VCF1: variants seen among roughly 807,000 people sequenced by gnomAD.
The protein encoded by VCF1 is protein VCF1.
chr17:73,223,857 T>C, the VCF1 span, among the ~76,000 whole-genome samples: 1 of 151,850 alleles, frequency 6.6e-6, no homozygotes, highest in Admixed American at 6.6e-5. Context: ...GGCACATCCC[T>C]GTAGTCCCAG....
the VCF1 span, chr17:73,207,530 A>T: frequency 5.1e-6 from 3 of 589,216 alleles, no homozygotes; most frequent in African/African-American, 3.7e-5. Flanking sequence ...TGAATTTAGT[A>T]GGGTGAAAGA....
At chr17:73,225,022 CAGG>C in the VCF1 span, among the ~76,000 whole-genome samples, 292 of 151,702 alleles carry the variant, frequency 1.9e-3, 2 homozygotes, top group Middle Eastern at 0.01. Context: ...TAGGATAGGA[CAGG>C]ACAGGACAGC....
the VCF1 span, chr17:73,227,538 A>G: frequency 3.1e-5 from 25 of 803,592 alleles, no homozygotes; most frequent in Non-Finnish European, 3.9e-5. Flanking sequence ...TTGGGACTGA[A>G]ACAAGAACAG....
the VCF1 span, among the ~76,000 whole-genome samples, chr17:73,220,822 G>A: frequency 6.7e-6 from 1 of 149,120 alleles, no homozygotes; most frequent in Admixed American, 6.7e-5. Context: ...GTCTTGTTAA[G>A]CTAAGTTAAA....
At chr17:73,212,894 A>C in the VCF1 span, among the ~76,000 whole-genome samples, 1 of 151,800 alleles carries the variant, frequency 6.6e-6, no homozygotes. Flanking sequence ...TCTGTACATA[A>C]TTTTTTTTTA....
At chr17:73,213,263 T>C in the VCF1 span, among the ~76,000 whole-genome samples, 1 of 151,956 alleles carries the variant, frequency 6.6e-6, no homozygotes, top group Non-Finnish European at 1.5e-5. Flanking sequence ...AAAAAGTGTT[T>C]ACTGGGCCTT....
the VCF1 span, among the ~76,000 whole-genome samples, chr17:73,221,699 G>A: frequency 8.5e-5 from 13 of 152,090 alleles, no homozygotes; most frequent in Non-Finnish European, 1.9e-4. Flanking sequence ...GATCAGCCTG[G>A]ACAACATGAG....
chr17:73,232,083 C>A, the VCF1 span: 1 of 1,602,368 alleles, frequency 6.2e-7, no homozygotes. Context: ...CCTTCCCTCT[C>A]ACCTGGGACG....
the VCF1 span, among the ~76,000 whole-genome samples, chr17:73,219,845 C>T: frequency 2.0e-5 from 3 of 151,276 alleles, no homozygotes; most frequent in African/African-American, 2.4e-5. Flanking sequence ...CATGGCAGTG[C>T]GCGCCTGTAG....
the VCF1 span, among the ~76,000 whole-genome samples, chr17:73,230,663 C>T: frequency 5.9e-5 from 9 of 152,304 alleles, no homozygotes; most frequent in South Asian, 1.2e-3. Context: ...TCCCAAAGTG[C>T]TGGGATTACA....
At chr17:73,229,867 C>CAAAA in the VCF1 span, among the ~76,000 whole-genome samples, 136 of 22,614 alleles carry the variant, frequency 6.0e-3, 26 homozygotes, top group African/African-American at 0.014. Flanking sequence ...GACTCCATCT[C>CAAAA]AAAAAAAAAA....
At chr17:73,221,140 G>T in the VCF1 span, among the ~76,000 whole-genome samples, 1 of 150,542 alleles carries the variant, frequency 6.6e-6, no homozygotes, top group Non-Finnish European at 1.5e-5. Context: ...CTCGTGATCT[G>T]CCCGCCTTGG....
chr17:73,218,325 A>G, the VCF1 span, among the ~76,000 whole-genome samples: 1 of 152,248 alleles, frequency 6.6e-6, no homozygotes, highest in African/African-American at 2.4e-5. Context: ...ACCACTTTAT[A>G]AATAAGCAAG....
the VCF1 span, chr17:73,227,675 G>C: frequency 1.0e-6 from 1 of 985,976 alleles, no homozygotes; most frequent in Non-Finnish European, 1.2e-6. Context: ...TTTGATATAA[G>C]AGTGGCTGCC....
At chr17:73,229,867 CA>C in the VCF1 span, among the ~76,000 whole-genome samples, 726 of 22,570 alleles carry the variant, frequency 0.032, 3 homozygotes, top group African/African-American at 0.079. Context: ...GACTCCATCT[CA>C]AAAAAAAAAA....
At chr17:73,210,392 C>CT in the VCF1 span, among the ~76,000 whole-genome samples, 110 of 151,458 alleles carry the variant, frequency 7.3e-4, no homozygotes, top group Non-Finnish European at 1.2e-4. Flanking sequence ...GCGTGCCTAA[C>CT]TTTTTCTTTA....
At chr17:73,229,699 C>G in the VCF1 span, 17 of 390,392 alleles carry the variant, frequency 4.4e-5, no homozygotes, top group Non-Finnish European at 5.6e-5. Flanking sequence ...AACCCTGTCT[C>G]TACTAAAAAT....
chr17:73,227,222 G>A, the VCF1 span: 1 of 1,585,330 alleles, frequency 6.3e-7, no homozygotes, highest in Non-Finnish European at 8.6e-7. Context: ...TGGTCTGGGG[G>A]GGAAGATGGT....
chr17:73,224,278 A>AAAAC, the VCF1 span, among the ~76,000 whole-genome samples: 10 of 150,968 alleles, frequency 6.6e-5, no homozygotes, highest in African/African-American at 2.2e-4. Context: ...AAAAAAAAAA[A>AAAAC]AAAAAAACCT....
Sources: gnomAD v4.1 joint callset for allele counts (sites outside exome capture counted in the v4.1 genomes callset) on GRCh38, gnomAD v4.1.1 for gene constraint, MANE v1.5 for transcripts, NCBI Gene and HGNC (gene_info 2026-07-23, HGNC 2026-07-21) for gene names.